Variants in CIPC observed in about 807,000 individuals in gnomAD.
CIPC encodes CLOCK-interacting pacemaker.
CIPC carries 12 observed loss-of-function variants against 26.7 expected under a neutral mutation model. The ratio of observed to expected loss-of-function variants is 0.45; its 90% confidence interval spans 0.29 to 0.73. CIPC has a LOEUF of 0.73. CIPC is among the 30% of genes least tolerant of loss of function. CIPC has a pLI of 0.12. For missense variants in CIPC, 417 were observed against 486.5 expected (o/e 0.86, Z 1.34); for synonymous variants, 170 against 189.8 (o/e 0.90, Z 0.86).
In CIPC at chr14:77,115,994, C is replaced by A. The variant is rs17811712; in HGVS notation, c.*1676C>A. On this transcript the variant is annotated 3_prime_UTR_variant, in exon 4 of 4. Coordinates refer to ENST00000361786, the MANE Select transcript of CIPC (RefSeq NM_033426.3). The stretch of plus-strand genomic sequence containing the variant: ...AGCCACCACGCTCAGCTCAGCTTCA[C>A]CCTGTCTGCAAAGAAAAGTTTTACC... The A allele has an allele frequency of 0.28, 42,079 of 152,132 alleles. 5,905 individuals are homozygous for A. Among genetic ancestry groups the A allele is most frequent in the Admixed American group, 0.33 (5,079 of 15,294 alleles). The allele number at this position is 152,132 out of a possible 1,614,324, so 9.4% of individuals were successfully genotyped here.
rs535212169 is a variant in CIPC at position 77,114,299 on chromosome 14, C to G, written c.1181C>G (p.Ser394Cys). The change falls in exon 4 of 4, where the codon TCT becomes TGT. Residue 394 changes from serine to cysteine, a missense_variant. By Grantham distance (112) the Ser-to-Cys change is moderately radical. Transcript: ENST00000361786. ...ACAGGCAGTGACCTAGAAGCATTCT[C>G]TGATCACCCAGCCATATAGCACAGA... Reference protein sequence around the residue: ...SNTGSDLEAFSDHPAI With the variant: ...SNTGSDLEAFCDHPAI The G allele has an allele frequency of 1.5e-5, 24 of 1,610,370 alleles. No individual in the cohort carries two copies. Among genetic ancestry groups the G allele is most frequent in the East Asian group, 2.2e-5 (1 of 44,854 alleles).
chr14:77,113,588 T>C lies in CIPC; in HGVS notation c.470T>C (p.Leu157Pro), dbSNP rs1315991089. The C allele has an allele frequency of 1.2e-6, 2 of 1,614,120 alleles. No homozygotes were observed. Among genetic ancestry groups the C allele is most frequent in the Admixed American group, 1.7e-5 (1 of 60,008 alleles). ...GACTCCAGGAACTACTTGCCCATTCTGAATTCTTACACCAAAATAGCCCCA... is the reference window on the plus strand; with the variant it reads ...GACTCCAGGAACTACTTGCCCATTCCGAATTCTTACACCAAAATAGCCCCA... ...KSDSRNYLPI[L>P]NSYTKIAPHP... is the part of the protein sequence containing the mutation. The change falls in exon 4 of 4, where the codon CTG becomes CCG. Residue 157 changes from leucine to proline, a missense_variant. Leu to Pro is a moderately conservative substitution (Grantham distance 98). Transcript: ENST00000361786.
rs1886756198 is a variant in CIPC, at chr14:77,113,936, T to C, written c.818T>C (p.Leu273Pro). 6.2e-7 allele frequency: 1 copy of C among 1,614,192 alleles called. No individual in the cohort carries two copies. The highest frequency in any genetic ancestry group is 1.3e-5 in the African/African-American group (1 of 75,040). The change falls in exon 4 of 4, where the codon CTC becomes CCC. Residue 273 changes from leucine to proline, a missense_variant. Coordinates refer to ENST00000361786, the MANE Select transcript of CIPC (RefSeq NM_033426.3). ...CCTGTCTGCGCATCAGACAGCACTC[T>C]CCATGGGTTAGAGAGCAACTCTCCC... ...ASPVCASDST[L>P]HGLESNSPLS...
intron 3 of CIPC, 22 bp downstream of exon 3, chr14:77,110,003 T>C (rs766449163): frequency 2.7e-5 from 43 of 1,605,794 alleles, no homozygotes; most frequent in Non-Finnish European, 3.6e-5. Context: ...TAATATCACC[T>C]AAAGTCTTTG....
chr14:77,104,996 A>G (rs950717450), intron 1 of CIPC, among the ~76,000 whole-genome samples: 1 of 152,264 alleles, frequency 6.6e-6, no homozygotes, highest in Admixed American at 6.5e-5. Context: ...TGTGAGGCTC[A>G]AGTGAGATAA....
Position 77,114,267 on chromosome 14 carries a change from C to T in CIPC, c.1149C>T (p.Ser383=). ...AKLQASLTPG[S]SNTGSDLEAF... is the part of the protein sequence containing the mutation. ...TGCAGGCATCTTTAACACCTGGGTCCAGTAATACAGGCAGTGACCTAGAAG... is the reference window on the plus strand; with the variant it reads ...TGCAGGCATCTTTAACACCTGGGTCTAGTAATACAGGCAGTGACCTAGAAG... The change falls in exon 4 of 4, where the codon TCC becomes TCT. Residue 383 remains serine (S), a synonymous_variant. Coordinates refer to ENST00000361786, the MANE Select transcript of CIPC (RefSeq NM_033426.3). The T allele has an allele frequency of 6.2e-7, 1 of 1,613,816 alleles. No homozygotes were observed. Among genetic ancestry groups the T allele is most frequent in the Non-Finnish European group, 8.5e-7 (1 of 1,179,970 alleles).
chr14:77,106,487 A>G (rs956523527), intron 2 of CIPC, among the ~76,000 whole-genome samples: 2 of 152,112 alleles, frequency 1.3e-5, no homozygotes, highest in African/African-American at 4.8e-5. Context: ...TGAATCATTC[A>G]ATTTTGTGCT....
chr14:77,105,702 A>C lies in CIPC; in HGVS notation c.-7A>C. ...TACCAATGAATCTGCCTCCAGCTGAATAAACCATGGAGAGGAAAAACCCAT... is the reference window on the plus strand; with the variant it reads ...TACCAATGAATCTGCCTCCAGCTGACTAAACCATGGAGAGGAAAAACCCAT... On this transcript the variant is annotated 5_prime_UTR_variant, in exon 2 of 4. Coordinates refer to ENST00000361786, the MANE Select transcript of CIPC (RefSeq NM_033426.3). 1 of 1,613,110 alleles carries C rather than the reference A, an allele frequency of 6.2e-7. No individual in the cohort carries two copies. Among genetic ancestry groups the C allele is most frequent in the South Asian group, 1.1e-5 (1 of 90,892 alleles).
chr14:77,114,129 G>A lies in CIPC; in HGVS notation c.1011G>A (p.Lys337=), dbSNP rs1886760560. ...SGLLEITLKT[K]ELIRQNQATQ... is the part of the protein sequence containing the mutation. ...TGCTGGAGATCACTTTGAAAACCAA[G>A]GAGTTGATTCGTCAGAATCAGGCAA... The change falls in exon 4 of 4, where the codon AAG becomes AAA. Residue 337 remains lysine, a synonymous_variant. Coordinates refer to ENST00000361786, the MANE Select transcript of CIPC (RefSeq NM_033426.3). The A allele has an allele frequency of 1.2e-6, 2 of 1,614,068 alleles. No homozygotes were observed. Among genetic ancestry groups the A allele is most frequent in the East Asian group, 4.5e-5 (2 of 44,882 alleles).
Position 77,109,920 on chromosome 14 carries a change from C to T in CIPC, c.245C>T (p.Ala82Val), listed in dbSNP as rs754230920. ...EDRPRQNSKT[A>V]KNAFPTLSPM... The stretch of plus-strand genomic sequence containing the variant: ...AGGCCGAGGCAGAACTCCAAAACTG[C>T]AAAGAATGCCTTCCCTACCCTGTCT... The change falls in exon 3 of 4, where the codon GCA becomes GTA. Residue 82 changes from alanine to valine, a missense_variant. Ala to Val is a moderately conservative substitution (Grantham distance 64). Coordinates refer to ENST00000361786, the MANE Select transcript of CIPC (RefSeq NM_033426.3). 1 of 1,614,200 alleles carries T rather than the reference C, an allele frequency of 6.2e-7. No individual in the cohort carries two copies. The highest frequency in any genetic ancestry group is 1.1e-5 in the South Asian group (1 of 91,082).
chr14:77,113,767 C>A lies in CIPC; in HGVS notation c.649C>A (p.Pro217Thr), dbSNP rs1356230439. The part of the protein sequence containing the change: ...AVPSSPSTPA[P>T]PSAKLAEDSA... Reference sequence around the variant, plus strand: ...CCCATCCAGTCCCTCGACGCCAGCACCACCCAGCGCCAAACTTGCCGAGGA... The same window carrying A: ...CCCATCCAGTCCCTCGACGCCAGCAACACCCAGCGCCAAACTTGCCGAGGA... The change falls in exon 4 of 4, where the codon CCA becomes ACA. Residue 217 changes from proline to threonine, a missense_variant. By Grantham distance (38) the Pro-to-Thr change is conservative. Coordinates refer to ENST00000361786, the MANE Select transcript of CIPC (RefSeq NM_033426.3). 3.7e-6 allele frequency: 6 copies of A among 1,613,334 alleles called. No homozygotes were observed. The highest frequency in any genetic ancestry group is 4.2e-6 in the Non-Finnish European group (5 of 1,179,412).
intron 1 of CIPC, among the ~76,000 whole-genome samples, chr14:77,100,572 TC>T (rs1886461616): frequency 6.7e-6 from 1 of 150,202 alleles, no homozygotes; most frequent in Admixed American, 6.6e-5. Context: ...TCTTTTCTCT[TC>T]TTTTTTTTTT....
At chr14:77,102,701 C>G (rs1009178766) in intron 1 of CIPC, among the ~76,000 whole-genome samples, 7 of 152,134 alleles carry the variant, frequency 4.6e-5, no homozygotes, top group Non-Finnish European at 8.8e-5. Context: ...ACCTAAGAAC[C>G]TAAGTAAGGT....
intron 3 of CIPC, among the ~76,000 whole-genome samples, chr14:77,111,306 T>C (rs1425078738): frequency 6.6e-6 from 1 of 152,196 alleles, no homozygotes; most frequent in Non-Finnish European, 1.5e-5. Flanking sequence ...CCACATTCTT[T>C]AAGACAAAGA....
chr14:77,099,301 G>A (rs1886427639), intron 1 of CIPC: 1 of 152,180 alleles, frequency 6.6e-6, no homozygotes, highest in African/African-American at 2.4e-5. Flanking sequence ...GAGCCAAACT[G>A]GTCTAAAACA....
intron 2 of CIPC, among the ~76,000 whole-genome samples, chr14:77,107,141 T>G (rs746565548): frequency 6.6e-6 from 1 of 152,240 alleles, no homozygotes; most frequent in African/African-American, 2.4e-5. Flanking sequence ...TCTTTTAATA[T>G]CACGTTTGCT....
At chr14:77,104,288 C>T (rs1886548604) in intron 1 of CIPC, among the ~76,000 whole-genome samples, 1 of 152,140 alleles carries the variant, frequency 6.6e-6, no homozygotes, top group Admixed American at 6.5e-5. Flanking sequence ...ACTCCATAGG[C>T]TGAGGGGAGG....
Position 77,113,818 on chromosome 14 carries a change from C to T in CIPC, c.700C>T (p.Leu234=), listed in dbSNP as rs199872393. The T allele has an allele frequency of 2.5e-5, 41 of 1,614,176 alleles. No homozygotes were observed. Among genetic ancestry groups the T allele is most frequent in the Admixed American group, 8.3e-5 (5 of 60,034 alleles). ...CTCAGCTCTGCAGGGTGTGCCCTCTCTGGTGGCAGGTGGAAGTCCACAGAC... is the reference window on the plus strand; with the variant it reads ...CTCAGCTCTGCAGGGTGTGCCCTCTTTGGTGGCAGGTGGAAGTCCACAGAC... ...EDSALQGVPS[L]VAGGSPQTLQ... Residue 234 remains leucine, a synonymous_variant, in exon 4 of 4, where the codon CTG becomes TTG. Coordinates refer to ENST00000361786, the MANE Select transcript of CIPC (RefSeq NM_033426.3).
chr14:77,099,675 A>G (rs149711207), intron 1 of CIPC, among the ~76,000 whole-genome samples: 194 of 152,330 alleles, frequency 1.3e-3, no homozygotes, highest in Admixed American at 2.0e-3. Flanking sequence ...TTGAGCTTCC[A>G]GGAATGTTGC....
Sources: gnomAD v4.1 joint callset for allele counts (sites outside exome capture counted in the v4.1 genomes callset) on GRCh38, gnomAD v4.1.1 for gene constraint, MANE v1.5 for transcripts, NCBI Gene and HGNC (gene_info 2026-07-23, HGNC 2026-07-21) for gene names.